TTC27: variants seen among roughly 807,000 people sequenced by gnomAD.
TTC27 encodes tetratricopeptide repeat domain 27, also known as tetratricopeptide repeat protein 27.
TTC27 carries 79 observed loss-of-function variants against 115.9 expected under a neutral mutation model. The ratio of observed to expected loss-of-function variants is 0.68; its 90% CI spans 0.57 to 0.82. The LOEUF (loss-of-function observed/expected upper bound fraction) is 0.82. TTC27 is among the 40% of genes least tolerant of loss of function. TTC27 has a pLI of 0.00. For synonymous variants in TTC27, 401 were observed against 356.0 expected (o/e 1.13, Z -1.42); for missense variants, 1,054 against 993.1 (o/e 1.06, Z -0.82).
intron 10 of TTC27, among the ~76,000 whole-genome samples, chr2:32,714,919 A>G (rs1423572472): frequency 6.6e-6 from 1 of 151,960 alleles, no homozygotes; most frequent in African/African-American, 2.4e-5. Context: ...TCCTTTGCCC[A>G]CTTTTTAATG....
intron 16 of TTC27, among the ~76,000 whole-genome samples, chr2:32,791,373 G>C (rs1670529224): frequency 6.6e-6 from 1 of 152,176 alleles, no homozygotes; most frequent in African/African-American, 2.4e-5. Context: ...TTGTTTATAT[G>C]TGGAAGAGGA....
chr2:32,664,282 GT>G lies in TTC27; in HGVS notation c.641-17del. 6.4e-7 allele frequency: 1 copy of G among 1,574,746 alleles called. No homozygotes were observed. ...TTTTCTTCTCATCATAACTTTTAAT[GT>G]TTTATCTTTTGTCTTGCAGTGATGA... On this transcript the variant is annotated intron_variant, in intron 5 of 19. Coordinates refer to ENST00000317907, the MANE Select transcript of TTC27 (RefSeq NM_017735.5).
intron 12 of TTC27, among the ~76,000 whole-genome samples, chr2:32,752,033 C>G (rs1572576514): frequency 6.6e-6 from 1 of 152,146 alleles, no homozygotes; most frequent in South Asian, 2.1e-4. Flanking sequence ...CTAGTCTGAC[C>G]TAAATATCTG....
intron 19 of TTC27, among the ~76,000 whole-genome samples, chr2:32,819,917 C>G (rs1299827680): frequency 6.6e-6 from 1 of 152,206 alleles, no homozygotes; most frequent in Admixed American, 6.5e-5. Context: ...GATTTGCAAG[C>G]ACTGTAATTC....
intron 11 of TTC27, among the ~76,000 whole-genome samples, chr2:32,735,793 T>C (rs1016298939): frequency 6.6e-6 from 1 of 152,052 alleles, no homozygotes; most frequent in Non-Finnish European, 1.5e-5. Flanking sequence ...TTTTTGAAAA[T>C]GTCCAATTAT....
At chr2:32,803,833 C>T (rs1671041072) in intron 16 of TTC27, among the ~76,000 whole-genome samples, 2 of 151,824 alleles carry the variant, frequency 1.3e-5, no homozygotes, top group Admixed American at 6.6e-5. Context: ...TGGCGAAAAC[C>T]CATCTCTACT....
intron 12 of TTC27, among the ~76,000 whole-genome samples, chr2:32,744,750 T>G (rs1461964378): frequency 6.6e-6 from 1 of 152,114 alleles, no homozygotes; most frequent in East Asian, 1.9e-4. Context: ...AATATCTGAT[T>G]AAAAGCACAT....
intron 2 of TTC27, among the ~76,000 whole-genome samples, chr2:32,632,438 T>G (rs1664254993): frequency 6.6e-6 from 1 of 152,198 alleles, no homozygotes; most frequent in Non-Finnish European, 1.5e-5. Flanking sequence ...CACATAAAGC[T>G]AAAAAGAGAC....
At chr2:32,685,015 C>CTTTTTTTTTTTTTTT (rs70938361) in intron 9 of TTC27, among the ~76,000 whole-genome samples, 5 of 116,308 alleles carry the variant, frequency 4.3e-5, no homozygotes, top group South Asian at 3.0e-4. Flanking sequence ...TTGCCTTTTC[C>CTTTTTTTTTTTTTTT]TTTTTTTTTT....
chr2:32,819,074 GTGATC>G (rs1263613765), intron 19 of TTC27, among the ~76,000 whole-genome samples: 1 of 152,132 alleles, frequency 6.6e-6, no homozygotes, highest in Admixed American at 6.5e-5. Context: ...CTTTTGATCA[GTGATC>G]TAATCAAAGT....
chr2:32,711,059 G>A (rs1234773609), intron 10 of TTC27, among the ~76,000 whole-genome samples: 2 of 144,342 alleles, frequency 1.4e-5, no homozygotes, highest in African/African-American at 5.2e-5. Context: ...AGAGGTTGCA[G>A]TGAGCTGAGA....
chr2:32,780,371 C>T (rs1021403300), intron 14 of TTC27, among the ~76,000 whole-genome samples: 3 of 152,160 alleles, frequency 2.0e-5, no homozygotes, highest in Admixed American at 1.3e-4. Flanking sequence ...TTTTACACCT[C>T]TTTTGTTAAG....
intron 14 of TTC27, chr2:32,780,126 C>A (rs1438665766): frequency 2.2e-6 from 1 of 463,902 alleles, no homozygotes; most frequent in South Asian, 1.6e-5. Flanking sequence ...AGTACTCCAA[C>A]TTTGTTCTTC....
chr2:32,779,916 A>G (rs1238754010), intron 14 of TTC27: 1 of 249,350 alleles, frequency 4.0e-6, no homozygotes, highest in Non-Finnish European at 8.9e-6. Context: ...TTTCCTATTA[A>G]TAGTCTTGTC....
intron 5 of TTC27, among the ~76,000 whole-genome samples, chr2:32,662,130 G>T (rs1010993680): frequency 2.0e-5 from 3 of 152,160 alleles, no homozygotes; most frequent in Non-Finnish European, 4.4e-5. Flanking sequence ...CTTCATTGTG[G>T]TGGATAAGCT....
chr2:32,737,569 T>G (rs1342087384), intron 12 of TTC27, among the ~76,000 whole-genome samples: 2 of 152,232 alleles, frequency 1.3e-5, no homozygotes, highest in Admixed American at 6.5e-5. Context: ...GCATGTGTTT[T>G]TCTTAAATAC....
In TTC27 at chr2:32,783,731, A is replaced by G. The variant is rs76468022; in HGVS notation, c.1832+1053A>G. Among the ~76,000 whole-genome samples, 125 of 152,388 alleles carry G rather than the reference A, an allele frequency of 8.2e-4. 2 individuals carry two copies. The East Asian group carries it at 0.017, about 20-fold the overall frequency. On this transcript the variant is annotated intron_variant, in intron 15 of 19. Transcript: ENST00000317907. ...GTGGAAAAAGAAGGGGCAGATGCCA[A>G]ACTCTTTATAAAGGAGAAAACCAAC...
At chr2:32,787,459 A>G (rs1037663704) in intron 16 of TTC27, among the ~76,000 whole-genome samples, 1 of 152,204 alleles carries the variant, frequency 6.6e-6, no homozygotes, top group Non-Finnish European at 1.5e-5. Context: ...TACTTTGGGT[A>G]TCTCTGTGTG....
intron 9 of TTC27, among the ~76,000 whole-genome samples, chr2:32,694,674 CTTT>C (rs200028307): frequency 2.2e-5 from 3 of 135,540 alleles, no homozygotes; most frequent in Admixed American, 7.5e-5. Flanking sequence ...ATTCCTATTT[CTTT>C]TTTTTTTTTT....
Sources: allele counts gnomAD v4.1 joint callset (sites outside exome capture counted in the v4.1 genomes callset), GRCh38; gene constraint gnomAD v4.1.1; transcripts MANE v1.5; gene names NCBI Gene and HGNC (gene_info 2026-07-23, HGNC 2026-07-21).